Variants in SMARCA4 observed in about 807,000 individuals in gnomAD.
SMARCA4 encodes the protein SWI/SNF-related matrix-associated actin-dependent regulator of chromatin subfamily A member 4.
Under a neutral mutation model 193.9 loss-of-function variants are expected in SMARCA4, and 31 were observed. That is an observed-to-expected ratio of 0.16 (90% CI 0.12 to 0.22). The LOEUF is 0.22. Among genes scored for constraint, SMARCA4 ranks in the 10% least tolerant of loss-of-function variants. The pLI, the probability that SMARCA4 is intolerant of heterozygous loss-of-function variation, is 1.00. For synonymous variants in SMARCA4, 942 were observed against 933.1 expected, an observed-to-expected ratio of 1.01 and a Z score of -0.17; for missense variants, 1,148 against 2,296.0, an observed-to-expected ratio of 0.50 and a Z score of 10.22.
chr19:10,986,742 TG>T lies in SMARCA4; in HGVS notation c.760+154del. On this transcript the variant is annotated intron_variant, in intron 4 of 34. Coordinates refer to ENST00000344626, the MANE Select transcript of SMARCA4 (RefSeq NM_003072.5). The surrounding 1 kb of genome is among the most constrained non-coding windows in gnomAD (Gnocchi z 6.7). The stretch of plus-strand genomic sequence containing the variant: ...ACTGCACTTCTGGGTGCTCGGGTGG[TG>T]GGGGCAGCTAAATGCTGCTTCCCCA... 1 of 1,317,718 alleles carries T rather than the reference TG, an allele frequency of 7.6e-7. No homozygotes were observed. Among genetic ancestry groups the T allele is most frequent in the Non-Finnish European group, 1.1e-6 (1 of 951,624 alleles). 81.6% of individuals were successfully genotyped at this position (1,317,718 alleles called of 1,614,324 possible).
chr19:11,048,709 C>T (rs765484683), intron 30 of SMARCA4, among the ~76,000 whole-genome samples: 6 of 152,202 alleles, frequency 3.9e-5, no homozygotes, highest in Admixed American at 6.5e-5. Flanking sequence ...GAGGCAGGGA[C>T]GCCCTTCCTG....
At chr19:11,006,034 G>A (rs2088169253) in intron 13 of SMARCA4, among the ~76,000 whole-genome samples, 1 of 152,208 alleles carries the variant, frequency 6.6e-6, no homozygotes, top group African/African-American at 2.4e-5. Context: ...ATTACCACCT[G>A]TTTATTCCAA....
Position 11,021,858 on chromosome 19 carries a change from A to G in SMARCA4, c.2750A>G (p.Lys917Arg), listed in dbSNP as rs771165740. Residue 917 changes from lysine (K) to arginine (R), a missense_variant, in exon 19 of 35, where the codon AAG becomes AGG. This residue lies in a region of SMARCA4 where 74 missense variants were observed against 392.3 expected (regional missense o/e 0.19). Coordinates refer to ENST00000344626, the MANE Select transcript of SMARCA4 (RefSeq NM_003072.5). Reference protein sequence around the residue: ...LLLTGTPLQNKLPELWALLNF... With the variant: ...LLLTGTPLQNRLPELWALLNF... ...CTGACGGGCACACCGCTGCAGAACA[A>G]GCTTCCCGAGCTCTGGGCGCTGCTC... 1 of 1,613,766 alleles carries G rather than the reference A, an allele frequency of 6.2e-7. No individual in the cohort carries two copies. Among genetic ancestry groups the G allele is most frequent in the Non-Finnish European group, 8.5e-7 (1 of 1,180,014 alleles).
chr19:10,976,554 G>A (rs894164119), intron 1 of SMARCA4, among the ~76,000 whole-genome samples: 7 of 152,070 alleles, frequency 4.6e-5, no homozygotes, highest in Admixed American at 1.3e-4. Flanking sequence ...CCAGGTGTTT[G>A]AGACCAGCCT....
At chr19:10,992,583 C>A (rs1156464585) in intron 8 of SMARCA4, among the ~76,000 whole-genome samples, 2 of 151,854 alleles carry the variant, frequency 1.3e-5, no homozygotes, top group Non-Finnish European at 1.5e-5. Context: ...CGCCGCCACA[C>A]CTGTTTGTTT....
chr19:11,008,295 G>A (rs1281718482), intron 14 of SMARCA4: 8 of 407,238 alleles, frequency 2.0e-5, no homozygotes, highest in South Asian at 4.0e-5. Context: ...TCTGCTCCCC[G>A]GCTCCCTCCC....
chr19:11,007,170 G>A (rs1422464888), intron 13 of SMARCA4, among the ~76,000 whole-genome samples: 2 of 151,392 alleles, frequency 1.3e-5, no homozygotes, highest in Non-Finnish European at 2.9e-5. Flanking sequence ...GGTGGCTCAC[G>A]CCTGTAATCC....
At chr19:10,971,016 T>G (rs935601529) in intron 1 of SMARCA4, among the ~76,000 whole-genome samples, 9 of 152,140 alleles carry the variant, frequency 5.9e-5, no homozygotes, top group African/African-American at 2.2e-4. Context: ...CTGACCAACA[T>G]GGAGAAACCT....
In SMARCA4 at chr19:11,033,608, C is replaced by CT. The variant is rs2075076383; in HGVS notation, c.3774+93dup. 2.0e-6 allele frequency: 2 copies of CT among 1,003,288 alleles called. No homozygotes were observed. Among genetic ancestry groups the CT allele is most frequent in the Non-Finnish European group, 3.2e-6 (2 of 630,646 alleles). The allele number at this position is 1,003,288 out of a possible 1,614,324, so 62.1% of individuals were successfully genotyped here. ...TTTGTTTTTTTACCTTTTTTGCACT[C>CT]TTATTTTTTTTGCATCCCTTTGGAG... On this transcript the variant is annotated intron_variant, in intron 26 of 34. Transcript: ENST00000344626. This position sits in a 1 kb window ranked among gnomAD's most constrained non-coding sequence, Gnocchi z 9.8.
intron 1 of SMARCA4, among the ~76,000 whole-genome samples, chr19:10,968,869 A>G (rs749864925): frequency 6.6e-5 from 10 of 152,146 alleles, no homozygotes; most frequent in Admixed American, 1.3e-4. Flanking sequence ...GTGATGATCA[A>G]ATGTGATTCT....
At chr19:11,008,432 G>C (rs578046054) in intron 14 of SMARCA4, 17 of 331,830 alleles carry the variant, frequency 5.1e-5, no homozygotes, top group East Asian at 7.8e-5. Context: ...AGTGTACATT[G>C]GTGTGCACCT....
Position 11,062,110 on chromosome 19 carries a change from T to TG in SMARCA4, c.*295dup. 2.0e-6 allele frequency: 1 copy of TG among 508,182 alleles called. No homozygotes were observed. The highest frequency in any genetic ancestry group is 3.6e-6 in the Non-Finnish European group (1 of 278,074). 31.5% of individuals were successfully genotyped at this position (508,182 alleles called of 1,614,324 possible). On this transcript the variant is annotated 3_prime_UTR_variant, in exon 35 of 35. Transcript: ENST00000344626. ...TCTTTTCCGTTGCTGGCAGTACTGTTGCGCCGCAGTTTGGAGTCACTGTAG... is the reference window on the plus strand; with the variant it reads ...TCTTTTCCGTTGCTGGCAGTACTGTTGGCGCCGCAGTTTGGAGTCACTGTAG...
intron 29 of SMARCA4, among the ~76,000 whole-genome samples, chr19:11,038,221 C>G (rs747978068): frequency 6.6e-6 from 1 of 152,218 alleles, no homozygotes; most frequent in Non-Finnish European, 1.5e-5. Context: ...GTTCCAGAAG[C>G]CTCCTGGCTT....
At chr19:11,049,066 T>C (rs1272632657) in intron 30 of SMARCA4, among the ~76,000 whole-genome samples, 3 of 152,170 alleles carry the variant, frequency 2.0e-5, no homozygotes, top group Admixed American at 2.0e-4. Flanking sequence ...TGCTGGCTTC[T>C]GCTGTCCAGG....
chr19:10,999,794 T>G (rs552615334), intron 11 of SMARCA4, among the ~76,000 whole-genome samples: 1 of 152,352 alleles, frequency 6.6e-6, no homozygotes, highest in South Asian at 2.1e-4. Context: ...ATAGGCTTAC[T>G]TACCTGCTCC....
intron 16 of SMARCA4, 49 bp downstream of exon 16, chr19:11,013,161 G>A (rs199946507): frequency 1.2e-6 from 2 of 1,601,264 alleles, no homozygotes; most frequent in East Asian, 4.5e-5. Context: ...ACACGCTCCT[G>A]TGTTTGTTTC....
At chr19:10,971,175 A>T (rs1034929829) in intron 1 of SMARCA4, among the ~76,000 whole-genome samples, 5 of 152,132 alleles carry the variant, frequency 3.3e-5, no homozygotes. Flanking sequence ...TAGCCTGGGC[A>T]ACAAGAGTGA....
intron 23 of SMARCA4, 42 bp downstream of exon 23, chr19:11,026,388 C>T (rs1448059544): frequency 1.3e-6 from 2 of 1,540,934 alleles, no homozygotes; most frequent in African/African-American, 1.4e-5. Flanking sequence ...AGGTGGTCCA[C>T]CCAGAGGTTT....
chr19:11,004,272 C>A, intron 13 of SMARCA4, among the ~76,000 whole-genome samples: 1 of 144,296 alleles, frequency 6.9e-6, no homozygotes, highest in African/African-American at 2.6e-5. Context: ...TTTTTTGAGA[C>A]AGAGTCTCAC....
Sources: gnomAD v4.1 joint callset for allele counts (sites outside exome capture counted in the v4.1 genomes callset) on GRCh38, gnomAD v4.1.1 for gene constraint, gnomAD v4.1.1 regional missense constraint, Gnocchi (gnomAD v3.1) non-coding constraint, MANE v1.5 for transcripts, NCBI Gene and HGNC (gene_info 2026-07-23, HGNC 2026-07-21) for gene names.